CNTNAP5: variants seen among roughly 807,000 people sequenced by gnomAD.
The protein encoded by CNTNAP5 is contactin associated protein family member 5.
CNTNAP5 carries 72 observed loss-of-function variants against 150.2 expected under a neutral mutation model. The observed-to-expected ratio is 0.48, with a 90% CI of 0.40 to 0.58. The LOEUF is 0.58. Among genes scored for constraint, CNTNAP5 ranks in the 20% least tolerant of loss-of-function variants. CNTNAP5 has a pLI of 0.00. For missense variants in CNTNAP5, 1,636 were observed against 1,626.2 expected, an observed-to-expected ratio of 1.01 and a Z score of -0.10; for synonymous variants, 672 against 619.8, an observed-to-expected ratio of 1.08 and a Z score of -1.25.
At chr2:124,869,642 G>T (rs780062887) in intron 20 of CNTNAP5, 33 bp from the exon 21 acceptor site, 1 of 1,451,120 alleles carries the variant, frequency 6.9e-7, no homozygotes, top group African/African-American at 1.4e-5. Flanking sequence ...GCAGACCTCT[G>T]CTGATGTGCC....
At chr2:124,147,178 G>C (rs961714570) in intron 1 of CNTNAP5, among the ~76,000 whole-genome samples, 1 of 152,170 alleles carries the variant, frequency 6.6e-6, no homozygotes, top group Non-Finnish European at 1.5e-5. Flanking sequence ...TGTAGCATTT[G>C]AATAAAGTCT....
chr2:124,032,741 G>T (rs62161933), intron 1 of CNTNAP5, among the ~76,000 whole-genome samples: 1 of 152,090 alleles, frequency 6.6e-6, no homozygotes, highest in Non-Finnish European at 1.5e-5. Context: ...CAAATGAGAG[G>T]GATAGATGCT....
At chr2:124,300,528 C>G (rs749791019) in intron 3 of CNTNAP5, among the ~76,000 whole-genome samples, 1 of 152,042 alleles carries the variant, frequency 6.6e-6, no homozygotes, top group Admixed American at 6.6e-5. Flanking sequence ...GGAAGAAGAG[C>G]GTAAGAATCC....
chr2:124,239,159 G>C (rs896805375), intron 2 of CNTNAP5, among the ~76,000 whole-genome samples: 4 of 151,868 alleles, frequency 2.6e-5, no homozygotes, highest in African/African-American at 9.7e-5. Context: ...AGACAAATTT[G>C]CAGAAACTTT....
chr2:124,909,367 T>C (rs1309712841), intron 22 of CNTNAP5, among the ~76,000 whole-genome samples: 2 of 152,186 alleles, frequency 1.3e-5, no homozygotes, highest in Admixed American at 1.3e-4. Flanking sequence ...ATACTACATG[T>C]ACAGCCTAGG....
At chr2:124,076,984 A>G (rs1682452352) in intron 1 of CNTNAP5, among the ~76,000 whole-genome samples, 1 of 152,174 alleles carries the variant, frequency 6.6e-6, no homozygotes, top group Non-Finnish European at 1.5e-5. Flanking sequence ...CCTTTATAAC[A>G]TAAAGAAAAG....
chr2:124,867,976 A>G (rs1677666346), intron 20 of CNTNAP5, among the ~76,000 whole-genome samples: 1 of 152,170 alleles, frequency 6.6e-6, no homozygotes, highest in South Asian at 2.1e-4. Flanking sequence ...TTCATTTTTC[A>G]AGTCCATAGT....
rs149908211 is a variant in CNTNAP5 at position 124,389,575 on chromosome 2, A to T, written c.382-27868A>T. Among the ~76,000 whole-genome samples, 6 of 152,344 alleles carry T rather than the reference A, an allele frequency of 3.9e-5. No homozygotes were observed. In the East Asian group the frequency reaches 1.2e-3, roughly 29 times the overall value. Reference sequence around the variant, plus strand: ...TCACATAGTGGAGATTCTGGTCTCAATTGCTTTGACACAATAAACAAGGCA... The same window carrying T: ...TCACATAGTGGAGATTCTGGTCTCATTTGCTTTGACACAATAAACAAGGCA... On this transcript the variant is annotated intron_variant, in intron 3 of 23. Coordinates refer to ENST00000682447, the MANE Select transcript of CNTNAP5 (RefSeq NM_001367498.1).
At chr2:124,363,756 A>C (rs1391200220) in intron 3 of CNTNAP5, among the ~76,000 whole-genome samples, 1 of 152,198 alleles carries the variant, frequency 6.6e-6, no homozygotes, top group Non-Finnish European at 1.5e-5. Flanking sequence ...AAGTAGGTGG[A>C]TATGTCTATT....
At chr2:124,642,121 TCA>T (rs1427685128) in intron 12 of CNTNAP5, among the ~76,000 whole-genome samples, 1 of 152,150 alleles carries the variant, frequency 6.6e-6, no homozygotes, top group Non-Finnish European at 1.5e-5. Flanking sequence ...ACAAGGTAGG[TCA>T]CACAGAGATG....
chr2:124,644,880 T>C (rs1678171336), intron 12 of CNTNAP5, among the ~76,000 whole-genome samples: 2 of 144,572 alleles, frequency 1.4e-5, no homozygotes, highest in African/African-American at 5.0e-5. Flanking sequence ...ATGTCAGTTA[T>C]ATATATCATA....
chr2:124,443,666 T>G (rs2104803219), intron 5 of CNTNAP5, among the ~76,000 whole-genome samples: 1 of 152,218 alleles, frequency 6.6e-6, no homozygotes, highest in Middle Eastern at 3.4e-3. Context: ...TTTATAAAAT[T>G]TATCTTTTGA....
intron 13 of CNTNAP5, among the ~76,000 whole-genome samples, chr2:124,717,336 G>A (rs1289097465): frequency 6.6e-6 from 1 of 152,166 alleles, no homozygotes; most frequent in African/African-American, 2.4e-5. Flanking sequence ...ATTTGTATCA[G>A]TTTAATGTTC....
intron 6 of CNTNAP5, among the ~76,000 whole-genome samples, chr2:124,456,806 A>G (rs1693129261): frequency 6.6e-6 from 1 of 152,160 alleles, no homozygotes; most frequent in Non-Finnish European, 1.5e-5. Flanking sequence ...AACAAAAACA[A>G]AAGTGGAGAA....
intron 1 of CNTNAP5, among the ~76,000 whole-genome samples, chr2:124,075,367 T>A (rs1366488401): frequency 6.6e-6 from 1 of 152,144 alleles, no homozygotes; most frequent in Non-Finnish European, 1.5e-5. Context: ...TCTCTGATAA[T>A]CCCTTTCATG....
At chr2:124,543,000 A>C in intron 10 of CNTNAP5, among the ~76,000 whole-genome samples, 1 of 152,144 alleles carries the variant, frequency 6.6e-6, no homozygotes, top group Non-Finnish European at 1.5e-5. Flanking sequence ...TTGCTATCCG[A>C]GATTTAGGAG....
intron 7 of CNTNAP5, among the ~76,000 whole-genome samples, chr2:124,503,211 G>A (rs968938955): frequency 2.0e-5 from 3 of 152,192 alleles, no homozygotes; most frequent in Non-Finnish European, 4.4e-5. Flanking sequence ...TGAATCATTA[G>A]AAATGTGCTA....
chr2:124,723,325 A>G (rs1253529287), intron 13 of CNTNAP5, among the ~76,000 whole-genome samples: 3 of 152,204 alleles, frequency 2.0e-5, no homozygotes, highest in African/African-American at 4.8e-5. Flanking sequence ...TATAACAAAG[A>G]TCATGTTCCT....
At chr2:124,853,216 T>A (rs751782439) in intron 19 of CNTNAP5, among the ~76,000 whole-genome samples, 66 of 152,212 alleles carry the variant, frequency 4.3e-4, no homozygotes, top group Non-Finnish European at 7.8e-4. Flanking sequence ...AGGGCCATAG[T>A]GCTTTGTGTC....
Sources: allele counts gnomAD v4.1 joint callset (sites outside exome capture counted in the v4.1 genomes callset), GRCh38; gene constraint gnomAD v4.1.1; transcripts MANE v1.5; gene names NCBI Gene and HGNC (gene_info 2026-07-23, HGNC 2026-07-21).